TFB1M: variants seen among roughly 807,000 people sequenced by gnomAD.
TFB1M encodes the protein dimethyladenosine transferase 1, mitochondrial.
In TFB1M, 27 loss-of-function variants were observed where a neutral mutation model predicts 31.1. That is an observed-to-expected ratio of 0.87 (90% confidence interval 0.64 to 1.20). TFB1M has a LOEUF of 1.20. Among genes scored for constraint, TFB1M ranks in the 50% most tolerant of loss-of-function variants. The probability of loss-of-function intolerance (pLI) is 0.00; values close to 1 mark genes in which losing one functional copy is unlikely to be tolerated. For synonymous variants in TFB1M, 166 were observed against 151.8 expected, an observed-to-expected ratio of 1.09 and a Z score of -0.69; for missense variants, 394 against 418.7, an observed-to-expected ratio of 0.94 and a Z score of 0.51.
At position 155,274,559 on chromosome 6, in the gene TFB1M, G is replaced by A. The variant is rs185683142; in HGVS notation, c.666+10599C>T. ...GAATAGCCGGCTTCATTTGGGCCAGGAAATGATTCTGGTCCCAATTAGAAA... is the reference window on the plus strand; with the variant it reads ...GAATAGCCGGCTTCATTTGGGCCAGAAAATGATTCTGGTCCCAATTAGAAA... On this transcript the variant is annotated intron_variant, in intron 5 of 6. Coordinates refer to ENST00000367166, the MANE Select transcript of TFB1M (RefSeq NM_016020.4). 1.2e-4 allele frequency among the ~76,000 whole-genome samples: 18 copies of A among 152,342 alleles called. No homozygotes were observed. The East Asian group carries it at 2.5e-3, about 21-fold the overall frequency.
At chr6:155,244,618 A>AT in the TFB1M span, 3 of 1,604,746 alleles carry the variant, frequency 1.9e-6, no homozygotes, top group African/African-American at 4.0e-5. Flanking sequence ...CCTGAACTTC[A>AT]TGGCTAATCC....
the TFB1M span, chr6:155,245,786 A>G: frequency 9.1e-7 from 1 of 1,103,268 alleles, no homozygotes; most frequent in Non-Finnish European, 1.3e-6. Context: ...TTTAACTGTT[A>G]GTAAAGGGTA....
Position 155,257,812 on chromosome 6 carries a change from A to C in TFB1M, c.*24T>G, listed in dbSNP as rs751403674. Reference sequence around the variant, plus strand: ...CACGTAGTGCAAATCGACATCTGGTAGGCTGCTCGCCCCCAGGCAGCAGCT... The same window carrying C: ...CACGTAGTGCAAATCGACATCTGGTCGGCTGCTCGCCCCCAGGCAGCAGCT... On this transcript the variant is annotated 3_prime_UTR_variant, in exon 7 of 7. Transcript: ENST00000367166. 35 of 1,613,782 alleles carry C rather than the reference A, an allele frequency of 2.2e-5. No homozygotes were observed. The highest frequency in any genetic ancestry group is 3.0e-5 in the Non-Finnish European group (35 of 1,179,790).
intron 5 of TFB1M, among the ~76,000 whole-genome samples, chr6:155,271,412 T>C (rs138894390): frequency 6.7e-4 from 102 of 152,316 alleles, no homozygotes; most frequent in African/African-American, 2.4e-3. Context: ...TGAATCTCTA[T>C]AGTTATACTC....
chr6:155,296,315 A>C (rs888501592), intron 4 of TFB1M, among the ~76,000 whole-genome samples: 2 of 151,648 alleles, frequency 1.3e-5, no homozygotes, highest in Non-Finnish European at 2.9e-5. Context: ...GCTGGAGTGC[A>C]GTGGCACGAT....
intron 6 of TFB1M, 24 bp downstream of exon 6, chr6:155,260,249 G>A: frequency 6.2e-7 from 1 of 1,613,640 alleles, no homozygotes; most frequent in Non-Finnish European, 8.5e-7. Context: ...GACTGCAACT[G>A]AAGAGAAGAA....
intron 4 of TFB1M, among the ~76,000 whole-genome samples, chr6:155,291,072 G>C (rs779391868): frequency 7.2e-5 from 11 of 152,190 alleles, no homozygotes; most frequent in Non-Finnish European, 1.3e-4. Flanking sequence ...AATCTGAGGA[G>C]GGGGACATGG....
intron 2 of TFB1M, among the ~76,000 whole-genome samples, chr6:155,309,369 C>T (rs958360087): frequency 6.6e-6 from 1 of 152,164 alleles, no homozygotes; most frequent in African/African-American, 2.4e-5. Context: ...ACTTACATTC[C>T]AGACAGGTGA....
At chr6:155,272,414 T>G (rs1314439619) in intron 5 of TFB1M, among the ~76,000 whole-genome samples, 1 of 152,088 alleles carries the variant, frequency 6.6e-6, no homozygotes, top group African/African-American at 2.4e-5. Context: ...TTCTGTTCTG[T>G]GTGCACTGTG....
At chr6:155,248,438 G>T in the TFB1M span, among the ~76,000 whole-genome samples, 2 of 152,224 alleles carry the variant, frequency 1.3e-5, no homozygotes, top group African/African-American at 4.8e-5. Flanking sequence ...CCTATGCAGG[G>T]ATGATTCTGT....
At chr6:155,232,333 G>A in the TFB1M span, among the ~76,000 whole-genome samples, 41 of 152,124 alleles carry the variant, frequency 2.7e-4, no homozygotes, top group African/African-American at 9.6e-4. Flanking sequence ...GAATATGACA[G>A]CTGACAGTGT....
rs1240864733 is a variant in TFB1M, at chr6:155,276,495, C to CT, written c.666+8662dup. ...TACAAAGAAAGTAGAATGTAAAATA[C>CT]TTTAACAACTACAAAGTAGTTTAAA... On this transcript the variant is annotated intron_variant, in intron 5 of 6. Coordinates refer to ENST00000367166, the MANE Select transcript of TFB1M (RefSeq NM_016020.4). 9.8e-6 allele frequency: 9 copies of CT among 918,576 alleles called. No homozygotes were observed. The East Asian group carries it at 1.1e-4, about 11-fold the overall frequency. 56.9% of individuals were successfully genotyped at this position (918,576 alleles called of 1,614,324 possible). A position where few individuals can be genotyped will look rare whatever the true frequency, so the allele number is the denominator to read the frequency against.
chr6:155,256,809 C>A lies in TFB1M; in HGVS notation c.*1027G>T, dbSNP rs377289785. On this transcript the variant is annotated 3_prime_UTR_variant, in exon 7 of 7. Transcript: ENST00000367166. ...TTCAGTTCCAGAGACTGAGGATTTC[C>A]GAGGACCCAGACGTTCACCCCGAGG... 1 of 1,614,146 alleles carries A rather than the reference C, an allele frequency of 6.2e-7. No individual in the cohort carries two copies. The highest frequency in any genetic ancestry group is 1.3e-5 in the African/African-American group (1 of 75,016).
In TFB1M at chr6:155,257,972, C is replaced by CTCT. The variant is rs777178695; in HGVS notation, c.902_904dup (p.Lys301dup). ...CATTTTTCTGTATACATCACAGAGG[C>CTCT]TCTTAAAGTGTGAGATGGAGAGCTG... On this transcript the variant is annotated inframe_insertion, in exon 7 of 7. Coordinates refer to ENST00000367166, the MANE Select transcript of TFB1M (RefSeq NM_016020.4). 1 of 1,614,072 alleles carries CTCT rather than the reference C, an allele frequency of 6.2e-7. No homozygotes were observed. The highest frequency in any genetic ancestry group is 2.2e-5 in the East Asian group (1 of 44,890).
intron 4 of TFB1M, among the ~76,000 whole-genome samples, chr6:155,289,741 C>T (rs141132075): frequency 6.6e-6 from 1 of 152,158 alleles, no homozygotes; most frequent in Non-Finnish European, 1.5e-5. Context: ...TGAAATGGTG[C>T]GAATTACTGT....
chr6:155,297,233 A>T (rs943466435), intron 3 of TFB1M, 129 bp from the exon 4 acceptor site: 9 of 951,914 alleles, frequency 9.5e-6, no homozygotes, highest in Admixed American at 2.8e-5. Context: ...ACATGGCTAA[A>T]TTTTTTTTTT....
rs565659328 is a variant in TFB1M at position 155,294,291 on chromosome 6, T to C, written c.546+2662A>G. On this transcript the variant is annotated intron_variant, in intron 4 of 6. Transcript: ENST00000367166. The stretch of plus-strand genomic sequence containing the variant: ...TATCTTCATGAACTCAAGATAAAAG[T>C]GTTTCCTCAACAAAACACAAAAAGC... Among the ~76,000 whole-genome samples the C allele has an allele frequency of 2.0e-4, 31 of 152,272 alleles. No individual in the cohort carries two copies. In the South Asian group the frequency reaches 6.2e-3, roughly 31 times the overall value.
intron 2 of TFB1M, among the ~76,000 whole-genome samples, chr6:155,308,043 A>C (rs930906923): frequency 6.6e-6 from 1 of 152,196 alleles, no homozygotes; most frequent in African/African-American, 2.4e-5. Flanking sequence ...CAGGAAATCT[A>C]AGTTATTTCC....
chr6:155,258,031 C>T lies in TFB1M; in HGVS notation c.846G>A (p.Glu282=). The change falls in exon 7 of 7, where the codon GAG becomes GAA. Residue 282 remains glutamate, a synonymous_variant. Transcript: ENST00000367166. ...QRLESTGRLL[E]LADIDPTLRP... is the part of the protein sequence containing the mutation. ...GAAGAGTAGGGTCTATGTCTGCCAA[C>T]TCTAACAGCCTGCCCGTGCTTTCCA... is the stretch of plus-strand genomic sequence containing the variant. 6.2e-7 allele frequency: 1 copy of T among 1,614,200 alleles called. No homozygotes were observed. The highest frequency in any genetic ancestry group is 8.5e-7 in the Non-Finnish European group (1 of 1,180,032).
Sources: allele counts gnomAD v4.1 joint callset (sites outside exome capture counted in the v4.1 genomes callset), GRCh38; gene constraint gnomAD v4.1.1; transcripts MANE v1.5; gene names NCBI Gene and HGNC (gene_info 2026-07-23, HGNC 2026-07-21).